CCDC102B: variants seen among roughly 807,000 people sequenced by gnomAD.
The protein encoded by CCDC102B is coiled-coil domain containing 102B, also known as coiled-coil domain-containing protein 102B.
In CCDC102B, 75 loss-of-function variants were observed where a neutral mutation model predicts 57.4. That is an observed-to-expected ratio of 1.31 (90% confidence interval 1.08 to 1.58). The LOEUF is 1.58. CCDC102B is among the 40% of genes most tolerant of loss of function. The probability of loss-of-function intolerance (pLI) is 0.00; values close to 1 mark genes in which losing one functional copy is unlikely to be tolerated. For missense variants in CCDC102B, 636 were observed against 582.6 expected, an observed-to-expected ratio of 1.09 and a Z score of -0.94; for synonymous variants, 206 against 201.9, an observed-to-expected ratio of 1.02 and a Z score of -0.17.
At chr18:68,965,428 G>A (rs1247700238) in intron 6 of CCDC102B, among the ~76,000 whole-genome samples, 1 of 149,428 alleles carries the variant, frequency 6.7e-6, no homozygotes, top group Non-Finnish European at 1.5e-5. Flanking sequence ...ACTTTATATT[G>A]AGACTTTCTA....
chr18:68,799,832 C>T (rs1231564111), intron 1 of CCDC102B, among the ~76,000 whole-genome samples: 1 of 152,038 alleles, frequency 6.6e-6, no homozygotes. Flanking sequence ...AAAAAATATA[C>T]CTTTGTGAGT....
intron 6 of CCDC102B, among the ~76,000 whole-genome samples, chr18:69,002,538 C>G (rs2051231273): frequency 6.6e-6 from 1 of 152,088 alleles, no homozygotes; most frequent in South Asian, 2.1e-4. Flanking sequence ...ACTGAACTGC[C>G]AAATTAACAA....
upstream of CCDC102B, among the ~76,000 whole-genome samples, chr18:68,796,941 A>G (rs2035650891): frequency 6.6e-6 from 1 of 152,044 alleles, no homozygotes. Context: ...AGAACTTTCA[A>G]TCATTTGGCC....
In CCDC102B at chr18:68,954,404, A is replaced by G. The variant is rs142222120; in HGVS notation, c.1264-56530A>G. ...CACTGCGCTCCAGCCTGGGTGACAG[A>G]GTGAGACTCCGTCTCAAAAAGAAAA... On this transcript the variant is annotated intron_variant, in intron 6 of 7. Coordinates refer to ENST00000360242, the MANE Select transcript of CCDC102B (RefSeq NM_024781.3). Among the ~76,000 whole-genome samples, 1,341 of 152,310 alleles carry G rather than the reference A, an allele frequency of 8.8e-3. 15 individuals are homozygous for G. Among genetic ancestry groups the G allele is most frequent in the African/African-American group, 0.03 (1,257 of 41,556 alleles).
At chr18:68,766,473 A>T (rs961985124) in intron 2 of CCDC102B, among the ~76,000 whole-genome samples, 3 of 152,174 alleles carry the variant, frequency 2.0e-5, no homozygotes, top group Admixed American at 6.5e-5. Flanking sequence ...CAAGTGTGGG[A>T]TGAGGACAAT....
At chr18:68,732,867 T>C (rs1383011187) in intron 2 of CCDC102B, among the ~76,000 whole-genome samples, 4 of 152,154 alleles carry the variant, frequency 2.6e-5, no homozygotes, top group African/African-American at 7.2e-5. Flanking sequence ...GGGACCATCA[T>C]GGCTAAACAT....
intron 1 of CCDC102B, among the ~76,000 whole-genome samples, chr18:68,821,655 C>T (rs2036694227): frequency 6.6e-6 from 1 of 151,660 alleles, no homozygotes; most frequent in Non-Finnish European, 1.5e-5. Context: ...TTCTTTTCTT[C>T]TCCTTCTTCC....
chr18:69,035,691 G>T (rs1195756932), intron 7 of CCDC102B, among the ~76,000 whole-genome samples: 1 of 151,922 alleles, frequency 6.6e-6, no homozygotes, highest in Non-Finnish European at 1.5e-5. Flanking sequence ...TTTCCAGATG[G>T]AGAGTTCATT....
chr18:68,820,007 A>G (rs1459469361), intron 1 of CCDC102B, among the ~76,000 whole-genome samples: 1 of 152,064 alleles, frequency 6.6e-6, no homozygotes, highest in African/African-American at 2.4e-5. Flanking sequence ...ACACAATCAT[A>G]TGTACAAAAT....
intron 2 of CCDC102B, among the ~76,000 whole-genome samples, chr18:68,767,482 A>T (rs891550967): frequency 6.6e-6 from 1 of 152,246 alleles, no homozygotes; most frequent in African/African-American, 2.4e-5. Flanking sequence ...CAGAACTGTG[A>T]AAAATAAATG....
intron 2 of CCDC102B, among the ~76,000 whole-genome samples, chr18:68,741,667 TCACACACACACACACACACACACACA>T (rs60407642): frequency 7.6e-4 from 106 of 140,370 alleles, no homozygotes; most frequent in Non-Finnish European, 1.3e-3. Context: ...TGAAGACTGG[TCACACACACACACACACACACACACA>T]CACACACACA....
intron 6 of CCDC102B, among the ~76,000 whole-genome samples, chr18:69,003,046 T>C (rs1298980340): frequency 3.3e-5 from 5 of 152,172 alleles, no homozygotes; most frequent in African/African-American, 1.2e-4. Context: ...CGGAAGTCTG[T>C]CCATAAAAAG....
chr18:68,919,566 G>A (rs1234697398), intron 6 of CCDC102B, among the ~76,000 whole-genome samples: 1 of 152,060 alleles, frequency 6.6e-6, no homozygotes, highest in African/African-American at 2.4e-5. Context: ...GGAATTTGAG[G>A]CAATTCCTTA....
At chr18:68,944,236 A>G (rs2049468815) in intron 6 of CCDC102B, among the ~76,000 whole-genome samples, 1 of 152,098 alleles carries the variant, frequency 6.6e-6, no homozygotes, top group African/African-American at 2.4e-5. Context: ...TCTTATTCCT[A>G]TGGGAAAAAC....
intron 2 of CCDC102B, among the ~76,000 whole-genome samples, chr18:68,777,668 T>C (rs1183487915): frequency 6.6e-6 from 1 of 152,156 alleles, no homozygotes; most frequent in African/African-American, 2.4e-5. Flanking sequence ...TTAAAATTGG[T>C]ATAAATGATA....
intron 6 of CCDC102B, among the ~76,000 whole-genome samples, chr18:68,986,351 A>G (rs1036031301): frequency 2.6e-5 from 4 of 152,232 alleles, no homozygotes; most frequent in Non-Finnish European, 5.9e-5. Flanking sequence ...ATGCAAATCA[A>G]TAAATGTGAT....
intron 2 of CCDC102B, among the ~76,000 whole-genome samples, chr18:68,791,355 A>G (rs1211571962): frequency 1.3e-5 from 2 of 152,138 alleles, no homozygotes; most frequent in Non-Finnish European, 2.9e-5. Context: ...AGTATAGTGG[A>G]TGTTGAGTTC....
At chr18:69,031,664 T>A (rs996062111) in intron 7 of CCDC102B, among the ~76,000 whole-genome samples, 2 of 152,124 alleles carry the variant, frequency 1.3e-5, no homozygotes, top group Non-Finnish European at 2.9e-5. Context: ...ATCTTGGGGC[T>A]CTTAATAAAA....
At chr18:68,827,852 G>T (rs139150289) in intron 1 of CCDC102B, among the ~76,000 whole-genome samples, 115 of 151,914 alleles carry the variant, frequency 7.6e-4, no homozygotes, top group African/African-American at 2.7e-3. Context: ...AAAATAAAAG[G>T]ATGGAAAAAA....
Sources: gnomAD v4.1 joint callset for allele counts (sites outside exome capture counted in the v4.1 genomes callset) on GRCh38, gnomAD v4.1.1 for gene constraint, MANE v1.5 for transcripts, NCBI Gene and HGNC (gene_info 2026-07-23, HGNC 2026-07-21) for gene names.